Variants in LPP observed in about 807,000 individuals in gnomAD.
LPP encodes LIM domain containing preferred translocation partner in lipoma.
In LPP, 38 loss-of-function variants were observed where a neutral mutation model predicts 60.4. That is an observed-to-expected ratio of 0.63 (90% CI 0.49 to 0.83). LPP has a LOEUF of 0.83. Among genes scored for constraint, LPP ranks in the 40% least tolerant of loss-of-function variants. LPP has a pLI of 0.00. For synonymous variants in LPP, 328 were observed against 290.8 expected, an observed-to-expected ratio of 1.13 and a Z score of -1.30; for missense variants, 902 against 783.6, an observed-to-expected ratio of 1.15 and a Z score of -1.80.
At chr3:188,844,268 G>C (rs1760887400) in intron 9 of LPP, among the ~76,000 whole-genome samples, 1 of 152,106 alleles carries the variant, frequency 6.6e-6, no homozygotes, top group South Asian at 2.1e-4. Context: ...TGAAAGTGCT[G>C]GCCTGCCTGT....
chr3:188,351,937 C>T (rs539241227), intron 3 of LPP, among the ~76,000 whole-genome samples: 60 of 152,180 alleles, frequency 3.9e-4, no homozygotes, highest in Non-Finnish European at 7.3e-4. Context: ...AGAGCTGCAA[C>T]CTGAGTGCCT....
At chr3:188,391,427 T>C (rs927500040) in intron 3 of LPP, among the ~76,000 whole-genome samples, 1 of 152,190 alleles carries the variant, frequency 6.6e-6, no homozygotes, top group Non-Finnish European at 1.5e-5. Context: ...TGTCTGTTGT[T>C]GATAAAATAT....
chr3:188,508,568 C>G (rs1560495702), intron 5 of LPP, among the ~76,000 whole-genome samples: 1 of 152,142 alleles, frequency 6.6e-6, no homozygotes, highest in Non-Finnish European at 1.5e-5. Context: ...ATAATGCCAA[C>G]TTATAGTTGA....
chr3:188,622,584 A>G (rs1580463951), intron 7 of LPP, among the ~76,000 whole-genome samples: 1 of 152,154 alleles, frequency 6.6e-6, no homozygotes, highest in African/African-American at 2.4e-5. Context: ...TTTGATTTCA[A>G]TAAATACCTA....
intron 3 of LPP, among the ~76,000 whole-genome samples, chr3:188,376,857 C>G (rs1270397697): frequency 6.6e-6 from 1 of 152,152 alleles, no homozygotes; most frequent in East Asian, 1.9e-4. Context: ...TTGTTCCTTT[C>G]CAGGTTTAGT....
At chr3:188,447,076 G>A (rs894181067) in intron 4 of LPP, among the ~76,000 whole-genome samples, 1 of 152,006 alleles carries the variant, frequency 6.6e-6, no homozygotes, top group Non-Finnish European at 1.5e-5. Context: ...TGATTCCTTT[G>A]GATACAGAAC....
intron 7 of LPP, among the ~76,000 whole-genome samples, chr3:188,689,878 C>T (rs1861707504): frequency 1.3e-5 from 2 of 151,776 alleles, no homozygotes. Flanking sequence ...TAATTTTTGT[C>T]CCATTGACAC....
At chr3:188,736,072 A>C (rs887848303) in intron 8 of LPP, among the ~76,000 whole-genome samples, 1 of 152,224 alleles carries the variant, frequency 6.6e-6, no homozygotes, top group Non-Finnish European at 1.5e-5. Flanking sequence ...CCCTTCACTT[A>C]AATGATACGC....
At chr3:188,601,978 G>A (rs66654119) in intron 6 of LPP, among the ~76,000 whole-genome samples, 41,364 of 147,984 alleles carry the variant, frequency 0.28, 6,256 homozygotes, top group Non-Finnish European at 0.33. Flanking sequence ...TTTGACACAA[G>A]AATTCCTTGA....
intron 4 of LPP, among the ~76,000 whole-genome samples, chr3:188,408,284 G>A (rs1784142174): frequency 6.6e-6 from 1 of 152,092 alleles, no homozygotes; most frequent in Non-Finnish European, 1.5e-5. Context: ...TGAGCGTTAT[G>A]GTGAGGGCAG....
At chr3:188,372,901 C>T (rs1283722403) in intron 3 of LPP, among the ~76,000 whole-genome samples, 6 of 151,962 alleles carry the variant, frequency 3.9e-5, no homozygotes, top group Admixed American at 3.9e-4. Context: ...TGTTCCCCTT[C>T]CTGTGTCCAT....
intron 3 of LPP, among the ~76,000 whole-genome samples, chr3:188,405,236 TTGG>T (rs1382405313): frequency 6.6e-6 from 1 of 152,170 alleles, no homozygotes; most frequent in Non-Finnish European, 1.5e-5. Flanking sequence ...CACATACCCC[TTGG>T]TGGGGACCAG....
At position 188,217,645 on chromosome 3, in the gene LPP, A is replaced by G. The variant is rs1048679053; in HGVS notation, c.-189-7760A>G. Reference sequence around the variant, plus strand: ...GGGGCATGTTTGGGAGTGATCGTCTATAGGATCTCAAGTGTGATTTCCTTC... The same window carrying G: ...GGGGCATGTTTGGGAGTGATCGTCTGTAGGATCTCAAGTGTGATTTCCTTC... On this transcript the variant is annotated intron_variant, in intron 1 of 11. Transcript: ENST00000617246. The surrounding 1 kb of genome is among the most constrained non-coding windows in gnomAD (Gnocchi z 4.0). 1.7e-4 allele frequency among the ~76,000 whole-genome samples: 26 copies of G among 152,148 alleles called. No individual in the cohort carries two copies. The highest frequency in any genetic ancestry group is 5.1e-4 in the African/African-American group (21 of 41,424).
chr3:188,833,595 G>A (rs547019590), intron 9 of LPP, among the ~76,000 whole-genome samples: 2 of 152,276 alleles, frequency 1.3e-5, no homozygotes, highest in African/African-American at 4.8e-5. Flanking sequence ...CTCTCTTCTT[G>A]AAGGGCTGTT....
In LPP at chr3:188,399,975, A is replaced by G. The variant is rs1036981071; in HGVS notation, c.-9-6137A>G. Among the ~76,000 whole-genome samples the G allele has an allele frequency of 3.3e-5, 5 of 152,336 alleles. 1 individual carries two copies. Among genetic ancestry groups the G allele is most frequent in the South Asian group, 2.1e-4 (1 of 4,832 alleles). ...GTTAGTATTAATTGTCAGTTTGCCT[A>G]TGGCACTAAGTTTTCCCACCTACGT... On this transcript the variant is annotated intron_variant, in intron 3 of 11. Transcript: ENST00000617246.
At chr3:188,244,722 C>T (rs1726257196) in intron 2 of LPP, among the ~76,000 whole-genome samples, 1 of 147,138 alleles carries the variant, frequency 6.8e-6, no homozygotes, top group African/African-American at 2.7e-5. Context: ...ACCCCTCTCT[C>T]TCTGAGTAAC....
At chr3:188,417,419 A>G (rs1264072347) in intron 4 of LPP, among the ~76,000 whole-genome samples, 1 of 151,966 alleles carries the variant, frequency 6.6e-6, no homozygotes, top group African/African-American at 2.4e-5. Context: ...GGTGGACAGC[A>G]TGGCATGCCA....
At chr3:188,797,832 A>G (rs901300146) in intron 9 of LPP, among the ~76,000 whole-genome samples, 2 of 152,226 alleles carry the variant, frequency 1.3e-5, no homozygotes, top group African/African-American at 2.4e-5. Context: ...AGAAGGGCCT[A>G]TAACTTTTCT....
At chr3:188,618,779 A>G (rs922659113) in intron 7 of LPP, among the ~76,000 whole-genome samples, 31 of 152,200 alleles carry the variant, frequency 2.0e-4, no homozygotes, top group African/African-American at 5.8e-4. Flanking sequence ...TTCAGTCTTT[A>G]TAAGTGTTTG....
Sources: gnomAD v4.1 joint callset for allele counts (sites outside exome capture counted in the v4.1 genomes callset) on GRCh38, gnomAD v4.1.1 for gene constraint, Gnocchi (gnomAD v3.1) non-coding constraint, MANE v1.5 for transcripts, NCBI Gene and HGNC (gene_info 2026-07-23, HGNC 2026-07-21) for gene names.